FAM168A: variants seen among roughly 807,000 people sequenced by gnomAD.
The protein encoded by FAM168A is family with sequence similarity 168 member A, also known as protein FAM168A.
Under a neutral mutation model 28.5 loss-of-function variants are expected in FAM168A, and 3 were observed. The ratio of observed to expected loss-of-function variants is 0.11; its 90% CI spans 0.05 to 0.27. The LOEUF is 0.27. FAM168A is among the 10% of genes least tolerant of loss of function. The probability of loss-of-function intolerance (pLI) is 1.00; values close to 1 mark genes in which losing one functional copy is unlikely to be tolerated. For synonymous variants in FAM168A, 122 were observed against 124.2 expected, an observed-to-expected ratio of 0.98 and a Z score of 0.12; for missense variants, 222 against 311.5, an observed-to-expected ratio of 0.71 and a Z score of 2.16.
chr11:73,430,917 G>A (rs1289169775), intron 2 of FAM168A, 147 bp from the exon 3 acceptor site: 1 of 562,342 alleles, frequency 1.8e-6, no homozygotes, highest in East Asian at 3.3e-5. Context: ...ATTCCAGATA[G>A]TATATGTGAC....
At chr11:73,447,606 A>G (rs1356724483) in intron 2 of FAM168A, among the ~76,000 whole-genome samples, 1 of 150,802 alleles carries the variant, frequency 6.6e-6, no homozygotes, top group African/African-American at 2.4e-5. Flanking sequence ...TAGGTCTAGT[A>G]TCAGTCCAGT....
At chr11:73,510,772 G>A (rs776035031) in intron 1 of FAM168A, 89 of 377,398 alleles carry the variant, frequency 2.4e-4, no homozygotes, top group Non-Finnish European at 3.8e-4. Flanking sequence ...TGGCTTCCTA[G>A]GGTTTATTGT....
intron 1 of FAM168A, among the ~76,000 whole-genome samples, chr11:73,525,905 C>A (rs1943440348): frequency 6.6e-6 from 1 of 151,994 alleles, no homozygotes; most frequent in Non-Finnish European, 1.5e-5. Flanking sequence ...ATTGCAAGCC[C>A]CCTCATGAAG....
At chr11:73,570,021 A>G (rs1944067500) in intron 1 of FAM168A, among the ~76,000 whole-genome samples, 1 of 152,184 alleles carries the variant, frequency 6.6e-6, no homozygotes, top group African/African-American at 2.4e-5. Context: ...TTCCTAACCT[A>G]TAGAATGGAT....
intron 2 of FAM168A, among the ~76,000 whole-genome samples, chr11:73,445,651 G>T (rs1867299260): frequency 1.3e-5 from 2 of 151,746 alleles, no homozygotes; most frequent in South Asian, 4.2e-4. Flanking sequence ...CCTAAAGGAA[G>T]TAGGTGGGAA....
chr11:73,425,802 G>A (rs1282792024), intron 3 of FAM168A, among the ~76,000 whole-genome samples: 1 of 152,200 alleles, frequency 6.6e-6, no homozygotes, highest in East Asian at 1.9e-4. Flanking sequence ...GCCCAGGCTG[G>A]TCTTGACCTT....
At chr11:73,441,632 T>C (rs1354648344) in intron 2 of FAM168A, among the ~76,000 whole-genome samples, 1 of 152,228 alleles carries the variant, frequency 6.6e-6, no homozygotes, top group Non-Finnish European at 1.5e-5. Context: ...AACTCACCAA[T>C]GACGCCATCT....
At chr11:73,472,110 C>T (rs1867823374) in intron 1 of FAM168A, among the ~76,000 whole-genome samples, 1 of 152,140 alleles carries the variant, frequency 6.6e-6, no homozygotes, top group South Asian at 2.1e-4. Flanking sequence ...TCTCCCCGCC[C>T]CATCTCCACA....
chr11:73,562,216 C>A (rs1204141634), intron 1 of FAM168A, among the ~76,000 whole-genome samples: 2 of 152,240 alleles, frequency 1.3e-5, no homozygotes, highest in Non-Finnish European at 2.9e-5. Context: ...GCTGGAATTA[C>A]AGGCGTGAGC....
chr11:73,442,414 C>T (rs1393621161), intron 2 of FAM168A, among the ~76,000 whole-genome samples: 1 of 152,164 alleles, frequency 6.6e-6, no homozygotes, highest in Admixed American at 6.5e-5. Flanking sequence ...GCATGAGCCA[C>T]CGCGCCCGGC....
intron 2 of FAM168A, among the ~76,000 whole-genome samples, chr11:73,453,689 A>T (rs935554686): frequency 6.6e-6 from 1 of 152,182 alleles, no homozygotes; most frequent in Non-Finnish European, 1.5e-5. Flanking sequence ...GGAACTTATT[A>T]AAGTTTTTAG....
intron 2 of FAM168A, among the ~76,000 whole-genome samples, chr11:73,462,461 T>C (rs572194761): frequency 9.9e-5 from 15 of 152,176 alleles, no homozygotes; most frequent in African/African-American, 3.1e-4. Context: ...AAATGAAGAG[T>C]TATTGTTTAA....
intron 1 of FAM168A, among the ~76,000 whole-genome samples, chr11:73,490,929 T>C (rs1868119413): frequency 6.6e-6 from 1 of 152,174 alleles, no homozygotes; most frequent in African/African-American, 2.4e-5. Context: ...TAGAACAGCA[T>C]CCAGAATATT....
At chr11:73,407,719 CT>C in intron 6 of FAM168A, 76 bp from the exon 7 acceptor site, 1 of 1,232,324 alleles carries the variant, frequency 8.1e-7, no homozygotes, top group Non-Finnish European at 1.2e-6. Context: ...AAGCTACAGT[CT>C]TTCACATGGC....
At chr11:73,488,180 G>A (rs1043116641) in intron 1 of FAM168A, among the ~76,000 whole-genome samples, 1 of 151,572 alleles carries the variant, frequency 6.6e-6, no homozygotes, top group Non-Finnish European at 1.5e-5. Context: ...GCCCAGGCTG[G>A]AGTGTCATGG....
chr11:73,488,241 C>T (rs1868080937), intron 1 of FAM168A, among the ~76,000 whole-genome samples: 1 of 151,998 alleles, frequency 6.6e-6, no homozygotes, highest in Non-Finnish European at 1.5e-5. Flanking sequence ...AGCAATTCTC[C>T]TGTCTCAGCC....
intron 1 of FAM168A, among the ~76,000 whole-genome samples, chr11:73,555,707 C>CA (rs930124701): frequency 2.6e-3 from 309 of 117,860 alleles, no homozygotes; most frequent in African/African-American, 4.5e-3. Context: ...GATTCCATCT[C>CA]AAAAAAAAAA....
intron 1 of FAM168A, among the ~76,000 whole-genome samples, chr11:73,565,588 C>T (rs1185341656): frequency 6.9e-6 from 1 of 143,944 alleles, no homozygotes; most frequent in African/African-American, 3.0e-5. Flanking sequence ...GGAATTAAAA[C>T]AAGATAAAAG....
intron 1 of FAM168A, among the ~76,000 whole-genome samples, chr11:73,506,384 G>C (rs1855117522): frequency 6.6e-6 from 1 of 150,822 alleles, no homozygotes; most frequent in South Asian, 2.1e-4. Flanking sequence ...GTACTTATGT[G>C]AAATAAGGAG....
Sources: gnomAD v4.1 joint callset for allele counts (sites outside exome capture counted in the v4.1 genomes callset) on GRCh38, gnomAD v4.1.1 for gene constraint, MANE v1.5 for transcripts, NCBI Gene and HGNC (gene_info 2026-07-23, HGNC 2026-07-21) for gene names.